MGAT4C: variants seen among roughly 807,000 people sequenced by gnomAD.
MGAT4C encodes the protein MGAT4 family member C.
A neutral mutation model predicts 40.1 loss-of-function variants in MGAT4C; 19 were observed. That is an observed-to-expected ratio of 0.47 (90% CI 0.33 to 0.70). The LOEUF (loss-of-function observed/expected upper bound fraction) is 0.70. Ranked by LOEUF, MGAT4C falls within the 30% of genes least tolerant of loss-of-function variation. MGAT4C has a pLI of 0.02. For missense variants in MGAT4C, 491 were observed against 563.2 expected, an observed-to-expected ratio of 0.87 and a Z score of 1.30; for synonymous variants, 181 against 187.1, an observed-to-expected ratio of 0.97 and a Z score of 0.27.
At position 86,511,774 on chromosome 12, in the gene MGAT4C, C is replaced by T. The variant is rs187911353; in HGVS notation, c.-228-76509G>A. 5.9e-5 allele frequency among the ~76,000 whole-genome samples: 9 copies of T among 152,160 alleles called. No individual in the cohort carries two copies. The East Asian group carries it at 1.4e-3, about 23-fold the overall frequency. ...AAGATGGATTAGATGTAAATAAAGG[C>T]TTAAAATAACAAAATCCTTGAAAGA... On this transcript the variant is annotated intron_variant, in intron 2 of 7. Coordinates refer to the MGAT4C transcript ENST00000548651.
intron 1 of MGAT4C, among the ~76,000 whole-genome samples, chr12:86,123,420 A>T (rs1372025625): frequency 6.6e-6 from 1 of 152,168 alleles, no homozygotes; most frequent in East Asian, 1.9e-4. Context: ...TTTGGGCTTC[A>T]GATATATTCA....
In MGAT4C at chr12:85,980,252, C is replaced by G. The variant is rs754801625; in HGVS notation, c.474G>C (p.Gln158His). ...CTGCAATAATATGGTGCGCAAATTTCTGTGTAATATCCTGGACCATGGCAT... is the reference window on the plus strand; with the variant it reads ...CTGCAATAATATGGTGCGCAAATTTGTGTGTAATATCCTGGACCATGGCAT... The part of the protein sequence containing the change: ...WRDAMVQDIT[Q>H]KFAHHIIAGR... Residue 158 changes from glutamine (Q) to histidine (H), a missense_variant, in exon 5 of 5, where the codon CAG becomes CAC. Gln to His is a conservative substitution (Grantham distance 24). Coordinates refer to ENST00000611864, the MANE Select transcript of MGAT4C (RefSeq NM_001351288.2). The G allele has an allele frequency of 6.2e-7, 1 of 1,613,910 alleles. No individual in the cohort carries two copies. Among genetic ancestry groups the G allele is most frequent in the South Asian group, 1.1e-5 (1 of 91,084 alleles).
At chr12:86,150,497 CT>C (rs1385300501) in intron 1 of MGAT4C, among the ~76,000 whole-genome samples, 1 of 152,142 alleles carries the variant, frequency 6.6e-6, no homozygotes, top group East Asian at 1.9e-4. Flanking sequence ...TGCATACATG[CT>C]TTTTGCAAGC....
intron 2 of MGAT4C, among the ~76,000 whole-genome samples, chr12:85,994,955 G>T (rs1437079246): frequency 2.6e-5 from 4 of 152,054 alleles, no homozygotes; most frequent in Non-Finnish European, 1.5e-5. Context: ...AAATGGAAAA[G>T]AAAGAAAAAG....
chr12:86,800,994 G>C (rs912311736), intron 1 of MGAT4C, among the ~76,000 whole-genome samples: 4 of 151,836 alleles, frequency 2.6e-5, no homozygotes, highest in African/African-American at 9.7e-5. Flanking sequence ...TTATCACTCT[G>C]GCCTGCCTTC....
intron 3 of MGAT4C, among the ~76,000 whole-genome samples, chr12:86,389,964 T>G (rs1956135021): frequency 6.6e-6 from 1 of 152,226 alleles, no homozygotes; most frequent in African/African-American, 2.4e-5. Flanking sequence ...AAGTCTTAAA[T>G]GTATTTGTAT....
At chr12:86,176,991 A>G (rs1171838897) in intron 1 of MGAT4C, among the ~76,000 whole-genome samples, 1 of 151,712 alleles carries the variant, frequency 6.6e-6, no homozygotes, top group Non-Finnish European at 1.5e-5. Context: ...ATAAAAGTAA[A>G]CAGTGAAGAA....
At chr12:86,470,502 A>G (rs950100479) in intron 2 of MGAT4C, among the ~76,000 whole-genome samples, 1 of 151,964 alleles carries the variant, frequency 6.6e-6, no homozygotes, top group East Asian at 1.9e-4. Context: ...CCCACAGAAG[A>G]CTTTTTATAA....
intron 2 of MGAT4C, among the ~76,000 whole-genome samples, chr12:86,588,163 T>C (rs1254785800): frequency 2.0e-5 from 3 of 151,722 alleles, no homozygotes; most frequent in Non-Finnish European, 4.4e-5. Context: ...CATGAAGCAT[T>C]GTTGAATTTT....
intron 1 of MGAT4C, among the ~76,000 whole-genome samples, chr12:86,104,691 G>A (rs547408477): frequency 1.1e-4 from 17 of 152,060 alleles, no homozygotes; most frequent in African/African-American, 3.4e-4. Flanking sequence ...ACAGAAAATC[G>A]AAATAAGCCA....
chr12:86,279,133 CTT>C (rs1472682141), intron 4 of MGAT4C, among the ~76,000 whole-genome samples: 2 of 151,732 alleles, frequency 1.3e-5, no homozygotes, highest in Admixed American at 6.6e-5. Context: ...TTTAATGTGT[CTT>C]TGTCTGATTT....
chr12:86,514,656 T>C (rs1271082885), intron 2 of MGAT4C, among the ~76,000 whole-genome samples: 4 of 152,302 alleles, frequency 2.6e-5, no homozygotes, highest in Admixed American at 6.5e-5. Flanking sequence ...TGTGACTACA[T>C]TGGACACACT....
At chr12:86,734,246 G>C (rs2009844) in intron 1 of MGAT4C, among the ~76,000 whole-genome samples, 2 of 152,076 alleles carry the variant, frequency 1.3e-5, no homozygotes, top group Non-Finnish European at 1.5e-5. Context: ...ATATTAGGTC[G>C]AGACAAAGCA....
intron 1 of MGAT4C, among the ~76,000 whole-genome samples, chr12:86,055,947 T>A (rs1424943772): frequency 6.6e-6 from 1 of 152,132 alleles, no homozygotes; most frequent in African/African-American, 2.4e-5. Context: ...AAGTGGAGCA[T>A]ATATTCATTT....
chr12:86,389,681 A>T (rs2136227214), intron 3 of MGAT4C, among the ~76,000 whole-genome samples: 1 of 152,322 alleles, frequency 6.6e-6, no homozygotes, highest in Admixed American at 6.5e-5. Flanking sequence ...CTTGTAAATT[A>T]TAAGGTGAAT....
At chr12:86,713,168 AAC>A (rs1389386108) in intron 2 of MGAT4C, among the ~76,000 whole-genome samples, 1 of 152,086 alleles carries the variant, frequency 6.6e-6, no homozygotes, top group East Asian at 1.9e-4. Flanking sequence ...TGTTGAAAAT[AAC>A]AGTGTTACTG....
chr12:86,005,081 A>G (rs963782811), intron 2 of MGAT4C, among the ~76,000 whole-genome samples: 23 of 152,182 alleles, frequency 1.5e-4, no homozygotes, highest in Non-Finnish European at 2.6e-4. Flanking sequence ...CCCTCTGCCT[A>G]TAAAACCTGC....
chr12:86,693,204 G>A (rs1342458276), intron 2 of MGAT4C, among the ~76,000 whole-genome samples: 1 of 152,164 alleles, frequency 6.6e-6, no homozygotes, highest in African/African-American at 2.4e-5. Context: ...GACCTGGAAG[G>A]TGCGTTAGAG....
intron 1 of MGAT4C, among the ~76,000 whole-genome samples, chr12:86,058,848 A>G (rs1013076517): frequency 6.6e-6 from 1 of 152,102 alleles, no homozygotes; most frequent in Admixed American, 6.6e-5. Context: ...TTTTCAAGAC[A>G]TTTGAAATTC....
Sources: allele counts gnomAD v4.1 joint callset (sites outside exome capture counted in the v4.1 genomes callset), GRCh38; gene constraint gnomAD v4.1.1; transcripts MANE v1.5; gene names NCBI Gene and HGNC (gene_info 2026-07-23, HGNC 2026-07-21).